ZNF551: variants seen among roughly 807,000 people sequenced by gnomAD.
ZNF551 encodes zinc finger protein 551.
In ZNF551, 5 loss-of-function variants were observed where a neutral mutation model predicts 7.9. The observed-to-expected ratio is 0.63, with a 90% CI of 0.33 to 1.33. ZNF551 has a LOEUF of 1.33. ZNF551 is among the 40% of genes most tolerant of loss of function. ZNF551 has a pLI of 0.05. For missense variants in ZNF551, 788 were observed against 825.2 expected (o/e 0.95, Z 0.55); for synonymous variants, 287 against 277.3 (o/e 1.03, Z -0.35).
At chr19:57,684,959 G>A (rs777435416) in intron 1 of ZNF551, among the ~76,000 whole-genome samples, 7 of 152,298 alleles carry the variant, frequency 4.6e-5, no homozygotes, top group Non-Finnish European at 7.3e-5. Flanking sequence ...CAAGACAAAC[G>A]TCAGATCACT....
Position 57,682,043 on chromosome 19 carries a change from T to A in ZNF551, c.-121T>A, listed in dbSNP as rs894303374. 9.4e-7 allele frequency: 1 copy of A among 1,061,664 alleles called. No individual in the cohort carries two copies. Among genetic ancestry groups the A allele is most frequent in the Non-Finnish European group, 1.4e-6 (1 of 740,660 alleles). The allele number at this position is 1,061,664 out of a possible 1,614,324, so 65.8% of individuals were successfully genotyped here. On this transcript the variant is annotated 5_prime_UTR_variant, in exon 1 of 3. Coordinates refer to ENST00000282296, the MANE Select transcript of ZNF551 (RefSeq NM_138347.5). ...TGTCCTGTTTGTCCAGCCCGCCAGTTTCTGCAGTGGAGGTCGCGACTGAGG... is the reference window on the plus strand; with the variant it reads ...TGTCCTGTTTGTCCAGCCCGCCAGTATCTGCAGTGGAGGTCGCGACTGAGG...
chr19:57,690,040 T>C lies in ZNF551; in HGVS notation c.*1752T>C, dbSNP rs1984714309. On this transcript the variant is annotated 3_prime_UTR_variant, in exon 3 of 3. Coordinates refer to ENST00000282296, the MANE Select transcript of ZNF551 (RefSeq NM_138347.5). Reference sequence around the variant, plus strand: ...AGGCAAGGTTGCCTCTCTCAGGGCATGAGGAGAGAGAGAGATGGTGAAGTC... The same window carrying C: ...AGGCAAGGTTGCCTCTCTCAGGGCACGAGGAGAGAGAGAGATGGTGAAGTC... 6.6e-6 allele frequency: 1 copy of C among 151,808 alleles called. No individual in the cohort carries two copies. The highest frequency in any genetic ancestry group is 1.5e-5 in the Non-Finnish European group (1 of 67,972). 9.4% of individuals were successfully genotyped at this position (151,808 alleles called of 1,614,324 possible). A position where few individuals can be genotyped will look rare whatever the true frequency, so the allele number is the denominator to read the frequency against.
rs116196856 is a variant in ZNF551, at chr19:57,688,260, G to C, written c.1985G>C (p.Arg662Pro). The change falls in exon 3 of 3, where the codon CGG becomes CCG. Residue 662 changes from arginine (R) to proline (P), a missense_variant. Physicochemically the swap from Arg to Pro is moderately radical, Grantham distance 103. Transcript: ENST00000282296. ...CGCAAATCTAACCTCATTCGACATC[G>C]GAGAGTTCACACTGAAGAAAGGCCT... The part of the protein sequence containing the change: ...FSRKSNLIRH[R>P]RVHTEERP 3.1e-6 allele frequency: 5 copies of C among 1,613,996 alleles called. No individual in the cohort carries two copies. In the Admixed American group the frequency reaches 5.0e-5, roughly 16 times the overall value.
intron 1 of ZNF551, among the ~76,000 whole-genome samples, chr19:57,682,613 CAAAAGTTGCTCAGG>C (rs1304716646): frequency 1.3e-5 from 2 of 152,172 alleles, no homozygotes; most frequent in African/African-American, 4.8e-5. Flanking sequence ...TAAAGCTATC[CAAAAGTTGCTCAGG>C]GGAAGAACAG....
rs1984392862 is a variant in ZNF551 at position 57,681,992 on chromosome 19, C to G, written c.-172C>G. Reference sequence around the variant, plus strand: ...GCGACGGGCCGGAACTTCCGGCGTCCTCCTCGTGGCGGTCATTTTGGCCTC... The same window carrying G: ...GCGACGGGCCGGAACTTCCGGCGTCGTCCTCGTGGCGGTCATTTTGGCCTC... On this transcript the variant is annotated 5_prime_UTR_variant, in exon 1 of 3. Transcript: ENST00000282296. 1.2e-5 allele frequency: 8 copies of G among 657,652 alleles called. No homozygotes were observed. Among genetic ancestry groups the G allele is most frequent in the Non-Finnish European group, 1.3e-5 (5 of 397,418 alleles). The allele number at this position is 657,652 out of a possible 1,614,324, so 40.7% of individuals were successfully genotyped here.
In ZNF551 at chr19:57,687,639, C is replaced by T. The variant is rs1373751315; in HGVS notation, c.1364C>T (p.Ser455Phe). The change falls in exon 3 of 3, where the codon TCC becomes TTC. Residue 455 changes from serine (S) to phenylalanine (F), a missense_variant. Physicochemically the swap from Ser to Phe is radical, Grantham distance 155. Transcript: ENST00000282296. ...TATGAATGCAGAGAATGTGGGAAAT[C>T]CTTTAGACAATTCTCTAACCTCATT... The part of the protein sequence containing the change: ...RPYECRECGK[S>F]FRQFSNLIRH... 1 of 1,614,200 alleles carries T rather than the reference C, an allele frequency of 6.2e-7. No individual in the cohort carries two copies.
chr19:57,683,364 T>G (rs2122327070), intron 1 of ZNF551, among the ~76,000 whole-genome samples: 1 of 152,348 alleles, frequency 6.6e-6, no homozygotes, highest in Admixed American at 6.5e-5. Context: ...AAAGGTTTTA[T>G]TTTGGCAGTT....
At position 57,687,692 on chromosome 19, in the gene ZNF551, A is replaced by T. The variant is rs1262449450; in HGVS notation, c.1417A>T (p.Arg473Trp). Residue 473 changes from arginine (R) to tryptophan (W), a missense_variant, in exon 3 of 3, where the codon AGG becomes TGG. Transcript: ENST00000282296. ...ACACCGCAGCATTCACACTGGTGATAGGCCTTATGAGTGCAGTGAATGTGA... is the reference window on the plus strand; with the variant it reads ...ACACCGCAGCATTCACACTGGTGATTGGCCTTATGAGTGCAGTGAATGTGA... ...IRHRSIHTGD[R>W]PYECSECEKS... The T allele has an allele frequency of 6.2e-7, 1 of 1,614,102 alleles. No homozygotes were observed. Among genetic ancestry groups the T allele is most frequent in the African/African-American group, 1.3e-5 (1 of 74,940 alleles).
In ZNF551 at chr19:57,686,775, C is replaced by T. The variant is rs545043297; in HGVS notation, c.500C>T (p.Ala167Val). The T allele has an allele frequency of 5.6e-6, 9 of 1,614,224 alleles. No homozygotes were observed. The African/African-American group carries it at 1.1e-4, about 19-fold the overall frequency. The change falls in exon 3 of 3, where the codon GCT (alanine) becomes GTT (valine). Residue 167 changes from alanine (A) to valine (V), a missense_variant. Coordinates refer to ENST00000282296, the MANE Select transcript of ZNF551 (RefSeq NM_138347.5). ...EEPWKRKVDE[A>V]TFVTGCRFHV... ...CCCTGGAAAAGGAAGGTGGATGAGG[C>T]TACATTTGTGACCGGCTGCAGATTC...
rs542619859 is a variant in ZNF551, at chr19:57,683,651, G to T, written c.81+1407G>T. 1.2e-4 allele frequency among the ~76,000 whole-genome samples: 19 copies of T among 152,284 alleles called. No homozygotes were observed. In the South Asian group the frequency reaches 3.9e-3, roughly 32 times the overall value. Reference sequence around the variant, plus strand: ...TCACAATGATAATAATAGTTGTCAAGGAAGGGGAGGGGAAGGTCAAGGACA... The same window carrying T: ...TCACAATGATAATAATAGTTGTCAATGAAGGGGAGGGGAAGGTCAAGGACA... On this transcript the variant is annotated intron_variant, in intron 1 of 2. Coordinates refer to ENST00000282296, the MANE Select transcript of ZNF551 (RefSeq NM_138347.5).
intron 1 of ZNF551, 101 bp from the exon 2 acceptor site, chr19:57,685,161 C>T (rs1027512945): frequency 6.5e-5 from 99 of 1,526,842 alleles, no homozygotes; most frequent in Non-Finnish European, 7.6e-5. Flanking sequence ...TGGTTATCTC[C>T]GCTGAGGTGG....
chr19:57,687,724 C>A lies in ZNF551; in HGVS notation c.1449C>A (p.Ser483=), dbSNP rs778004720. ...ATGAGTGCAGTGAATGTGAGAAATC[C>A]TTTAGCCGCAAATTTATCCTGATTC... ...RPYECSECEK[S]FSRKFILIQH... The change falls in exon 3 of 3, where the codon TCC becomes TCA. Residue 483 remains serine (S), a synonymous_variant. Coordinates refer to ENST00000282296, the MANE Select transcript of ZNF551 (RefSeq NM_138347.5). 3 of 1,613,998 alleles carry A rather than the reference C, an allele frequency of 1.9e-6. No individual in the cohort carries two copies. The highest frequency in any genetic ancestry group is 2.5e-6 in the Non-Finnish European group (3 of 1,179,984).
chr19:57,681,993 T>G lies in ZNF551; in HGVS notation c.-171T>G. On this transcript the variant is annotated 5_prime_UTR_variant, in exon 1 of 3. Coordinates refer to ENST00000282296, the MANE Select transcript of ZNF551 (RefSeq NM_138347.5). ...CGACGGGCCGGAACTTCCGGCGTCC[T>G]CCTCGTGGCGGTCATTTTGGCCTCT... 2 of 662,244 alleles carry G rather than the reference T, an allele frequency of 3.0e-6. No homozygotes were observed. The highest frequency in any genetic ancestry group is 2.9e-4 in the Middle Eastern group (1 of 3,424). The allele number at this position is 662,244 out of a possible 1,614,324, so 41.0% of individuals were successfully genotyped here.
rs1383583028 is a variant in ZNF551, at chr19:57,686,990, G to A, written c.715G>A (p.Val239Ile). The A allele has an allele frequency of 6.2e-7, 1 of 1,614,232 alleles. No individual in the cohort carries two copies. Among genetic ancestry groups the A allele is most frequent in the South Asian group, 1.1e-5 (1 of 91,088 alleles). Reference sequence around the variant, plus strand: ...AGCTTCAAGCCACAAACACACACTTGTTCAGCATCAGAGTGTCTGTTCTGA... The same window carrying A: ...AGCTTCAAGCCACAAACACACACTTATTCAGCATCAGAGTGTCTGTTCTGA... ...RKASSHKHTLVQHQSVCSEGG... is the reference protein window; with the variant it reads ...RKASSHKHTLIQHQSVCSEGG... The change falls in exon 3 of 3, where the codon GTT (valine) becomes ATT (isoleucine). Residue 239 changes from valine (V) to isoleucine (I), a missense_variant. Val to Ile is a conservative substitution (Grantham distance 29). Coordinates refer to ENST00000282296, the MANE Select transcript of ZNF551 (RefSeq NM_138347.5).
rs771029640 is a variant in ZNF551, at chr19:57,687,764, C to G, written c.1489C>G (p.His497Asp). 6.1e-5 allele frequency: 98 copies of G among 1,614,102 alleles called. No homozygotes were observed. Among genetic ancestry groups the G allele is most frequent in the Non-Finnish European group, 8.0e-5 (94 of 1,180,054 alleles). Residue 497 changes from histidine to aspartate, a missense_variant, in exon 3 of 3, where the codon CAC becomes GAC. Transcript: ENST00000282296. ...TATCCTGATTCAACACCAAAGAGTTCACACTGGAGAAAGACCTTATGAATG... is the reference window on the plus strand; with the variant it reads ...TATCCTGATTCAACACCAAAGAGTTGACACTGGAGAAAGACCTTATGAATG... ...KFILIQHQRV[H>D]TGERPYECSE...
rs756964974 is a variant in ZNF551, at chr19:57,690,171, A to C, written c.*1883A>C. The C allele has an allele frequency of 6.6e-6, 1 of 152,184 alleles. No individual in the cohort carries two copies. Among genetic ancestry groups the C allele is most frequent in the Non-Finnish European group, 1.5e-5 (1 of 68,020 alleles). The allele number at this position is 152,184 out of a possible 1,614,324, so 9.4% of individuals were successfully genotyped here. On this transcript the variant is annotated 3_prime_UTR_variant, in exon 3 of 3. Coordinates refer to ENST00000282296, the MANE Select transcript of ZNF551 (RefSeq NM_138347.5). ...GGTCTAATTTGTATAACTGACATGC[A>C]ACAAAGTACACGTATCCAAAGTGTA... is the stretch of plus-strand genomic sequence containing the variant.
rs755551710 is a variant in ZNF551, at chr19:57,687,463, T to C, written c.1188T>C (p.Cys396=). 2 of 1,614,092 alleles carry C rather than the reference T, an allele frequency of 1.2e-6. No individual in the cohort carries two copies. Among genetic ancestry groups the C allele is most frequent in the South Asian group, 2.2e-5 (2 of 91,076 alleles). ...AAAGGCCTTATCAGTGCTGTGAGTG[T>C]GGGAAATCCTTTAGACAAATCTTCA... is the stretch of plus-strand genomic sequence containing the variant. ...SGERPYQCCE[C]GKSFRQIFNL... The change falls in exon 3 of 3, where the codon TGT becomes TGC. Residue 396 remains cysteine, a synonymous_variant. Coordinates refer to ENST00000282296, the MANE Select transcript of ZNF551 (RefSeq NM_138347.5).
At chr19:57,684,821 T>C (rs1470938547) in intron 1 of ZNF551, among the ~76,000 whole-genome samples, 1 of 152,182 alleles carries the variant, frequency 6.6e-6, no homozygotes, top group South Asian at 2.1e-4. Context: ...CAAAGAGTGA[T>C]GTACATGAGA....
Position 57,682,249 on chromosome 19 carries a change from G to C in ZNF551, c.81+5G>C. On this transcript the variant is annotated splice_donor_5th_base_variant and intron_variant, in intron 1 of 2. Transcript: ENST00000282296. ...GCGCTGAGGGACTCGGCTCAGGTGA[G>C]TTGTGCGTCCTCCGGGTCTCGCCTA... The C allele has an allele frequency of 6.5e-7, 1 of 1,549,876 alleles. No homozygotes were observed. Among genetic ancestry groups the C allele is most frequent in the East Asian group, 2.4e-5 (1 of 40,908 alleles).
Sources: allele counts gnomAD v4.1 joint callset (sites outside exome capture counted in the v4.1 genomes callset), GRCh38; gene constraint gnomAD v4.1.1; transcripts MANE v1.5; gene names NCBI Gene and HGNC (gene_info 2026-07-23, HGNC 2026-07-21).